Variants in ECHDC2 observed in about 807,000 individuals in gnomAD.
ECHDC2 encodes enoyl-CoA hydratase domain-containing protein 2, mitochondrial.
ECHDC2 carries 34 observed loss-of-function variants against 40.6 expected under a neutral mutation model. The ratio of observed to expected loss-of-function variants is 0.84; its 90% CI spans 0.64 to 1.11. The LOEUF (loss-of-function observed/expected upper bound fraction) is 1.11. ECHDC2 is among the 50% of genes most tolerant of loss of function. The pLI is 0.00. For missense variants in ECHDC2, 392 were observed against 400.7 expected (o/e 0.98, Z 0.19); for synonymous variants, 162 against 166.6 (o/e 0.97, Z 0.21).
chr1:52,907,134 G>A (rs1206481581), intron 4 of ECHDC2: 1 of 132,488 alleles, frequency 7.5e-6, no homozygotes, highest in Non-Finnish European at 1.6e-5. Context: ...TCTCGCTGTT[G>A]TTGCCCAGGC....
At chr1:52,913,327 C>CA (rs1649974458) in intron 1 of ECHDC2, 1 of 152,224 alleles carries the variant, frequency 6.6e-6, no homozygotes, top group Non-Finnish European at 1.5e-5. Context: ...TCACCAGCAA[C>CA]AGCCAAGCTT....
At chr1:52,906,286 C>T (rs751650448) in intron 5 of ECHDC2, 30 of 610,260 alleles carry the variant, frequency 4.9e-5, no homozygotes, top group Non-Finnish European at 9.2e-5. Flanking sequence ...GTCAAATATT[C>T]CCAAAATGAA....
chr1:52,904,686 T>C lies in ECHDC2; in HGVS notation c.662A>G (p.Tyr221Cys), dbSNP rs1283288619. ...CTGGGCCAGTGCTCGTGCCCGCTGGTAGGCGGCGTCCCCCTCCTCGTTCTG... is the reference window on the plus strand; with the variant it reads ...CTGGGCCAGTGCTCGTGCCCGCTGGCAGGCGGCGTCCCCCTCCTCGTTCTG... Reference protein sequence around the residue: ...VAQNEEGDAAYQRARALAQEI... With the variant: ...VAQNEEGDAACQRARALAQEI... The change falls in exon 7 of 10, where the codon TAC becomes TGC. Residue 221 changes from tyrosine (Y) to cysteine (C), a missense_variant. Tyr to Cys is a radical substitution (Grantham distance 194). Transcript: ENST00000371522. The C allele has an allele frequency of 8.7e-6, 14 of 1,610,612 alleles. No individual in the cohort carries two copies. The highest frequency in any genetic ancestry group is 2.2e-5 in the South Asian group (2 of 90,918).
chr1:52,905,507 A>C (rs561480484), intron 5 of ECHDC2: 1 of 178,074 alleles, frequency 5.6e-6, no homozygotes, highest in Admixed American at 5.5e-5. Flanking sequence ...GGCCTGGCCT[A>C]GAATGTCAGT....
chr1:52,916,516 T>C (rs1650694008), intron 1 of ECHDC2, among the ~76,000 whole-genome samples: 1 of 152,228 alleles, frequency 6.6e-6, no homozygotes, highest in African/African-American at 2.4e-5. Flanking sequence ...AAAAGGTTAT[T>C]GTTAGGATTA....
intron 9 of ECHDC2, 55 bp from the exon 10 acceptor site, chr1:52,896,652 A>G (rs534303751): frequency 6.9e-7 from 1 of 1,449,692 alleles, no homozygotes; most frequent in South Asian, 1.1e-5. Context: ...AGGCCCAAAA[A>G]GAGTTGCTTA....
chr1:52,921,231 A>C (rs2150078445), intron 1 of ECHDC2, among the ~76,000 whole-genome samples: 1 of 152,152 alleles, frequency 6.6e-6, no homozygotes, highest in South Asian at 2.1e-4. Context: ...GGGAACGCGC[A>C]CTTAAACGCT....
intron 5 of ECHDC2, chr1:52,905,746 A>G (rs1175439637): frequency 1.2e-5 from 2 of 162,286 alleles, no homozygotes; most frequent in Non-Finnish European, 2.7e-5. Context: ...AGTCTTCCCC[A>G]AAACCCTGTG....
chr1:52,912,686 T>TTA (rs770367559), intron 1 of ECHDC2: 3 of 152,142 alleles, frequency 2.0e-5, no homozygotes, highest in Non-Finnish European at 4.4e-5. Flanking sequence ...ACTCTTTGAC[T>TTA]TATAGTAATC....
rs775789662 is a variant in ECHDC2, at chr1:52,911,521, T to C, written c.277+45A>G. ...GTTTCCCCCAACCCCTGGAGGCTGG[T>C]GGGCACCCTGCAGAGCACAGATGGG... On this transcript the variant is annotated intron_variant, in intron 3 of 9. Coordinates refer to ENST00000371522, the MANE Select transcript of ECHDC2 (RefSeq NM_001198961.2). 10 of 1,589,770 alleles carry C rather than the reference T, an allele frequency of 6.3e-6. No homozygotes were observed. In the African/African-American group the frequency reaches 1.1e-4, roughly 17 times the overall value.
chr1:52,904,085 G>T (rs557484115), intron 7 of ECHDC2, among the ~76,000 whole-genome samples: 24 of 152,216 alleles, frequency 1.6e-4, no homozygotes, highest in African/African-American at 4.6e-4. Context: ...CAAAGTGCTG[G>T]GATTACAGGC....
intron 1 of ECHDC2, among the ~76,000 whole-genome samples, chr1:52,915,496 A>C (rs1035631762): frequency 6.6e-6 from 1 of 152,170 alleles, no homozygotes; most frequent in African/African-American, 2.4e-5. Context: ...GAGCTCTTAG[A>C]GCCCAGCAGG....
chr1:52,904,739 T>G lies in ECHDC2; in HGVS notation c.609A>C (p.Val203=). The change falls in exon 7 of 10, where the codon GTA becomes GTC. Residue 203 remains valine, a synonymous_variant. Transcript: ENST00000371522. ...GRRLSGTEAH[V]LGLVNHAVAQ... The stretch of plus-strand genomic sequence containing the variant: ...CCACAGCGTGATTCACCAGCCCCAG[T>G]ACGTGGGCCTCAGTTCCACTCAGTC... 1 of 1,612,978 alleles carries G rather than the reference T, an allele frequency of 6.2e-7. No homozygotes were observed. Among genetic ancestry groups the G allele is most frequent in the South Asian group, 1.1e-5 (1 of 91,080 alleles).
At chr1:52,896,868 G>C (rs1646668570) in intron 9 of ECHDC2, 2 of 456,388 alleles carry the variant, frequency 4.4e-6, no homozygotes, top group Admixed American at 6.6e-5. Context: ...GCTGCCGTCT[G>C]CAGTGGTCTG....
chr1:52,921,705 C>T lies in ECHDC2; in HGVS notation c.-32G>A, dbSNP rs745957302. On this transcript the variant is annotated 5_prime_UTR_variant, in exon 1 of 10. Coordinates refer to ENST00000371522, the MANE Select transcript of ECHDC2 (RefSeq NM_001198961.2). ...GCAGGCTGGGAGTGAAGGTGCTTCTCCGGCCCTGCACCGTCTCGGCTCCCG... is the reference window on the plus strand; with the variant it reads ...GCAGGCTGGGAGTGAAGGTGCTTCTTCGGCCCTGCACCGTCTCGGCTCCCG... 4.8e-5 allele frequency: 72 copies of T among 1,498,578 alleles called. No individual in the cohort carries two copies. The highest frequency in any genetic ancestry group is 2.3e-4 in the Middle Eastern group (1 of 4,280). The allele number at this position is 1,498,578 out of a possible 1,614,324, so 92.8% of individuals were successfully genotyped here. A position where few individuals can be genotyped will look rare whatever the true frequency, so the allele number is the denominator to read the frequency against.
chr1:52,916,630 C>G (rs992905431), intron 1 of ECHDC2, among the ~76,000 whole-genome samples: 5 of 152,168 alleles, frequency 3.3e-5, no homozygotes, highest in African/African-American at 1.2e-4. Context: ...AAGCTGGGAG[C>G]CCCCCAGGAG....
chr1:52,915,927 G>A (rs954318478), intron 1 of ECHDC2, among the ~76,000 whole-genome samples: 3 of 152,140 alleles, frequency 2.0e-5, no homozygotes, highest in African/African-American at 7.2e-5. Flanking sequence ...AAAGGACTGC[G>A]GGCAACCTCT....
intron 8 of ECHDC2, chr1:52,898,914 G>C: frequency 1.8e-6 from 1 of 547,698 alleles, no homozygotes; most frequent in South Asian, 2.0e-5. Flanking sequence ...TGAGACCTTG[G>C]GCAAATCATT....
chr1:52,912,138 CTTCT>C, intron 1 of ECHDC2: 1 of 795,190 alleles, frequency 1.3e-6, no homozygotes, highest in Non-Finnish European at 1.6e-6. Flanking sequence ...ACCCATGTAC[CTTCT>C]TTAATTTTAC....
Sources: gnomAD v4.1 joint callset for allele counts (sites outside exome capture counted in the v4.1 genomes callset) on GRCh38, gnomAD v4.1.1 for gene constraint, MANE v1.5 for transcripts, NCBI Gene and HGNC (gene_info 2026-07-23, HGNC 2026-07-21) for gene names.